EFR3B: variants seen among roughly 807,000 people sequenced by gnomAD.
EFR3B encodes protein EFR3 homolog B.
Under a neutral mutation model 104.7 loss-of-function variants are expected in EFR3B, and 64 were observed. That is an observed-to-expected ratio of 0.61 (90% CI 0.50 to 0.75). EFR3B has a LOEUF of 0.75. EFR3B is among the 30% of genes least tolerant of loss of function. The probability of loss-of-function intolerance (pLI) is 0.00; values close to 1 mark genes in which losing one functional copy is unlikely to be tolerated. For synonymous variants in EFR3B, 385 were observed against 417.9 expected (o/e 0.92, Z 0.96); for missense variants, 750 against 1,078.5 (o/e 0.70, Z 4.27).
At chr2:25,074,287 T>TG (rs1668574309) in intron 1 of EFR3B, among the ~76,000 whole-genome samples, 1 of 152,154 alleles carries the variant, frequency 6.6e-6, no homozygotes, top group Non-Finnish European at 1.5e-5. Flanking sequence ...CATCTTTGGC[T>TG]GAGCACAGTG....
rs1671081157 is a variant in EFR3B, at chr2:25,153,767, T to A, written c.2348+6T>A. ...ATCTTTGAAATCACCATCCGGTAAG[T>A]GACAACCCTGGGCAGGGGACCCTGA... is the stretch of plus-strand genomic sequence containing the variant. On this transcript the variant is annotated splice_donor_region_variant and intron_variant, in intron 22 of 22. Coordinates refer to ENST00000403714, the MANE Select transcript of EFR3B (RefSeq NM_014971.2). The A allele has an allele frequency of 6.4e-7, 1 of 1,551,574 alleles. No individual in the cohort carries two copies. The highest frequency in any genetic ancestry group is 2.0e-5 in the Admixed American group (1 of 50,988).
chr2:25,121,572 G>A, intron 4 of EFR3B, 101 bp from the exon 5 acceptor site: 1 of 1,450,438 alleles, frequency 6.9e-7, no homozygotes, highest in African/African-American at 1.4e-5. Context: ...AGGATGCGTG[G>A]TTCCCATGGC....
intron 1 of EFR3B, among the ~76,000 whole-genome samples, chr2:25,065,925 A>G (rs1198518938): frequency 6.6e-6 from 1 of 152,022 alleles, no homozygotes; most frequent in Non-Finnish European, 1.5e-5. Context: ...CCCCTCCCGC[A>G]TGAAGGGAGG....
intron 1 of EFR3B, among the ~76,000 whole-genome samples, chr2:25,059,740 T>A (rs951413154): frequency 1.3e-5 from 2 of 151,960 alleles, no homozygotes; most frequent in African/African-American, 4.8e-5. Context: ...CCGGGCGTGG[T>A]GGCACATTGC....
chr2:25,086,918 A>G (rs769177704), intron 1 of EFR3B, among the ~76,000 whole-genome samples: 14 of 152,032 alleles, frequency 9.2e-5, no homozygotes, highest in Non-Finnish European at 4.4e-5. Flanking sequence ...TTATTTTCTT[A>G]TTGTTTAGTT....
At chr2:25,113,116 T>C (rs1013774115) in intron 4 of EFR3B, among the ~76,000 whole-genome samples, 1 of 152,156 alleles carries the variant, frequency 6.6e-6, no homozygotes, top group Non-Finnish European at 1.5e-5. Context: ...GCTGAAACTT[T>C]GATCTTGAAA....
intron 4 of EFR3B, among the ~76,000 whole-genome samples, chr2:25,117,497 C>T (rs898092839): frequency 6.6e-6 from 1 of 151,584 alleles, no homozygotes; most frequent in Non-Finnish European, 1.5e-5. Context: ...ACTGCAACCT[C>T]CACTTCCCAG....
chr2:25,051,252 C>G (rs766976675), intron 1 of EFR3B, among the ~76,000 whole-genome samples: 1 of 152,114 alleles, frequency 6.6e-6, no homozygotes. Flanking sequence ...GCTAGGACTA[C>G]AGGCGTGAGC....
At chr2:25,059,099 T>C (rs1391874005) in intron 1 of EFR3B, among the ~76,000 whole-genome samples, 1 of 151,622 alleles carries the variant, frequency 6.6e-6, no homozygotes, top group Non-Finnish European at 1.5e-5. Context: ...TATGATAGAA[T>C]ATTATTCAGT....
chr2:25,047,415 G>A lies in EFR3B; in HGVS notation c.7+5096G>A, dbSNP rs145873312. ...ACAGCAGTGTTTATCTCATGGCAGAGATGAATTAGGATAAGAGAGCTGCCC... is the reference window on the plus strand; with the variant it reads ...ACAGCAGTGTTTATCTCATGGCAGAAATGAATTAGGATAAGAGAGCTGCCC... On this transcript the variant is annotated intron_variant, in intron 1 of 22. Transcript: ENST00000403714. Among the ~76,000 whole-genome samples the A allele has an allele frequency of 4.6e-5, 7 of 152,214 alleles. No individual in the cohort carries two copies. The East Asian group carries it at 1.4e-3, about 29-fold the overall frequency.
chr2:25,060,218 T>TGAATTTGAATATTCATTTTA, intron 1 of EFR3B, among the ~76,000 whole-genome samples: 1 of 152,238 alleles, frequency 6.6e-6, no homozygotes, highest in East Asian at 1.9e-4. Flanking sequence ...AAGGCTAAAA[T>TGAATTTGAATATTCATTTTA]GGCAAATTGA....
chr2:25,048,465 T>C (rs1667780081), intron 1 of EFR3B, among the ~76,000 whole-genome samples: 2 of 152,196 alleles, frequency 1.3e-5, no homozygotes, highest in African/African-American at 4.8e-5. Flanking sequence ...CATTTAGGGG[T>C]ATTTCTGAAT....
rs778796945 is a variant in EFR3B at position 25,152,018 on chromosome 2, C to A, written c.2296C>A (p.Arg766=). Residue 766 remains arginine, a splice_region_variant and synonymous_variant, in exon 21 of 23, where the codon CGG becomes AGG. Transcript: ENST00000403714. ...FEEIAAHCGA[R]ASLLQSKLNQ... ...GGAGATTGCTGCACACTGCGGGGCC[C>A]GGGTAAGTGAAGCATGACATGGGCG... 1.2e-4 allele frequency: 186 copies of A among 1,551,448 alleles called. No homozygotes were observed. In the East Asian group the frequency reaches 3.4e-3, roughly 29 times the overall value.
chr2:25,121,161 C>G (rs1670001948), intron 4 of EFR3B, among the ~76,000 whole-genome samples: 1 of 152,200 alleles, frequency 6.6e-6, no homozygotes, highest in African/African-American at 2.4e-5. Context: ...CTCGGCCTCC[C>G]AAAGTGCTGG....
At chr2:25,098,372 T>C (rs570233591) in intron 3 of EFR3B, among the ~76,000 whole-genome samples, 8 of 152,300 alleles carry the variant, frequency 5.3e-5, no homozygotes, top group African/African-American at 1.9e-4. Context: ...CAACTAAGCC[T>C]GGTTCCCAGA....
At chr2:25,093,357 GGT>G (rs1669188981) in intron 3 of EFR3B, among the ~76,000 whole-genome samples, 1 of 152,058 alleles carries the variant, frequency 6.6e-6, no homozygotes, top group African/African-American at 2.4e-5. Flanking sequence ...AGCCAGGTGT[GGT>G]GGTGCACACC....
At chr2:25,082,467 A>G (rs1668836360) in intron 1 of EFR3B, among the ~76,000 whole-genome samples, 1 of 152,232 alleles carries the variant, frequency 6.6e-6, no homozygotes, top group African/African-American at 2.4e-5. Flanking sequence ...GCTGGGCACC[A>G]AGTTCAGGAA....
intron 1 of EFR3B, among the ~76,000 whole-genome samples, chr2:25,070,312 A>C (rs1318040546): frequency 1.3e-5 from 2 of 152,006 alleles, no homozygotes; most frequent in Non-Finnish European, 2.9e-5. Flanking sequence ...CCCAGGCTGG[A>C]CTGCAGTGGC....
At chr2:25,153,357 TAAAAA>T (rs1270310333) in intron 21 of EFR3B, among the ~76,000 whole-genome samples, 2 of 151,090 alleles carry the variant, frequency 1.3e-5, no homozygotes. Flanking sequence ...CCTTCTCAAT[TAAAAA>T]AAAGAAAAGA....
Sources: allele counts gnomAD v4.1 joint callset (sites outside exome capture counted in the v4.1 genomes callset), GRCh38; gene constraint gnomAD v4.1.1; transcripts MANE v1.5; gene names NCBI Gene and HGNC (gene_info 2026-07-23, HGNC 2026-07-21).